The following LRP1 variants were observed in gnomAD, a reference collection of about 807,000 sequenced individuals.
LRP1 encodes the protein prolow-density lipoprotein receptor-related protein 1.
Under a neutral mutation model 541.5 loss-of-function variants are expected in LRP1, and 51 were observed. That is an observed-to-expected ratio of 0.09 (90% CI 0.08 to 0.12). LRP1 has a LOEUF of 0.12. Among genes scored for constraint, LRP1 ranks in the 10% least tolerant of loss-of-function variants. The pLI, the probability that LRP1 is intolerant of heterozygous loss-of-function variation, is 1.00. For synonymous variants in LRP1, 2,219 were observed against 2,470.8 expected (o/e 0.90, Z 3.02); for missense variants, 3,878 against 6,376.2 (o/e 0.61, Z 13.34).
At chr12:57,168,838 C>A (rs1181694815) in intron 19 of LRP1, among the ~76,000 whole-genome samples, 1 of 152,192 alleles carries the variant, frequency 6.6e-6, no homozygotes, top group Admixed American at 6.5e-5. Context: ...GCAAGCAGAC[C>A]CCTGTTCCCA....
Position 57,185,539 on chromosome 12 carries a change from G to A in LRP1, c.6472G>A (p.Val2158Met), listed in dbSNP as rs1370229688. 5.7e-6 allele frequency: 9 copies of A among 1,590,328 alleles called. No homozygotes were observed. Among genetic ancestry groups the A allele is most frequent in the Admixed American group, 1.7e-5 (1 of 59,228 alleles). The change falls in exon 41 of 89, where the codon GTG (valine) becomes ATG (methionine). Residue 2158 changes from valine to methionine, a missense_variant. This residue lies in a region of LRP1 where 1,100 missense variants were observed against 1,827.4 expected (regional missense o/e 0.60). Coordinates refer to ENST00000243077, the MANE Select transcript of LRP1 (RefSeq NM_002332.3). This position sits in a 1 kb window ranked among gnomAD's most constrained non-coding sequence, Gnocchi z 4.9. ...FNRDRQKGTN[V>M]CAVANGGCQQ... ...ACCCTCCCCTCCCCCAGGCACCAAC[G>A]TGTGCGCGGTGGCCAATGGCGGGTG...
Position 57,200,434 on chromosome 12 carries a change from C to T in LRP1, c.10015-8C>T, listed in dbSNP as rs2036625190. ...CACCAACCCCTCTTGCCCCCACCTG[C>T]CCTCCAGTTTGTATGCAAGAACGAC... is the stretch of plus-strand genomic sequence containing the variant. On this transcript the variant is annotated splice_region_variant and splice_polypyrimidine_tract_variant and intron_variant, in intron 62 of 88. Transcript: ENST00000243077. 9 of 1,559,558 alleles carry T rather than the reference C, an allele frequency of 5.8e-6. No homozygotes were observed. The highest frequency in any genetic ancestry group is 8.0e-6 in the Non-Finnish European group (9 of 1,131,408).
chr12:57,197,421 C>T lies in LRP1; in HGVS notation c.9162+37C>T, dbSNP rs904761725. The T allele has an allele frequency of 6.2e-7, 1 of 1,610,224 alleles. No homozygotes were observed. The highest frequency in any genetic ancestry group is 8.5e-7 in the Non-Finnish European group (1 of 1,176,926). ...AGGCCCTCCTCCCCGCTGCCCATCT[C>T]CCAGACCCAGCACAGCCTCCCTTGC... On this transcript the variant is annotated intron_variant, in intron 57 of 88. Transcript: ENST00000243077. The surrounding 1 kb of genome is among the most constrained non-coding windows in gnomAD (Gnocchi z 4.5).
rs546253116 is a variant in LRP1 at position 57,132,973 on chromosome 12, T to C, written c.67+3942T>C. Among the ~76,000 whole-genome samples the C allele has an allele frequency of 4.1e-4, 63 of 152,240 alleles. 1 individual carries two copies. Among genetic ancestry groups the C allele is most frequent in the Admixed American group, 2.7e-3 (41 of 15,292 alleles). ...TTTCCTCCGACTTCCTCTTTCTTCT[T>C]CCCCCTCCACTAATTTGGGGAATGG... On this transcript the variant is annotated intron_variant, in intron 1 of 88. Transcript: ENST00000243077.
rs761390488 is a variant in LRP1 at position 57,178,380 on chromosome 12, C to T, written c.4383C>T (p.Ala1461=). Residue 1461 remains alanine (A), a synonymous_variant, in exon 27 of 89, where the codon GCC becomes GCT. Transcript: ENST00000243077. The surrounding 1 kb of genome is among the most constrained non-coding windows in gnomAD (Gnocchi z 5.8). ...IDARSDAIYS[A]RYDGSGHMEV... ...TTAGGTCAGATGCCATTTACTCAGC[C>T]CGTTACGACGGCTCTGGCCACATGG... 1.2e-6 allele frequency: 2 copies of T among 1,614,114 alleles called. No homozygotes were observed. The highest frequency in any genetic ancestry group is 1.7e-5 in the Admixed American group (1 of 60,024).
In LRP1 at chr12:57,203,226, G is replaced by A. The variant is rs373818332; in HGVS notation, c.10757G>A (p.Arg3586His). The change falls in exon 69 of 89, where the codon CGC (arginine) becomes CAC (histidine). Residue 3586 changes from arginine to histidine, a missense_variant. This residue lies in a region of LRP1 where 278 missense variants were observed against 536.3 expected (regional missense o/e 0.52). Transcript: ENST00000243077. ...SESEFSCANGRCIAGRWKCDG... is the reference protein window; with the variant it reads ...SESEFSCANGHCIAGRWKCDG... ...AGTGAGTTCTCCTGTGCCAACGGCC[G>A]CTGCATCGCGGGGCGCTGGAAATGC... 1 of 1,610,380 alleles carries A rather than the reference G, an allele frequency of 6.2e-7. No individual in the cohort carries two copies. The highest frequency in any genetic ancestry group is 8.5e-7 in the Non-Finnish European group (1 of 1,178,356).
At chr12:57,202,397 T>G in intron 67 of LRP1, 24 bp from the exon 68 acceptor site, 1 of 1,562,528 alleles carries the variant, frequency 6.4e-7, no homozygotes, top group Non-Finnish European at 8.8e-7. Context: ...TTTCCCTGAC[T>G]GCCCTGACAC....
intron 10 of LRP1, among the ~76,000 whole-genome samples, chr12:57,157,866 G>A (rs1370138496): frequency 6.6e-6 from 1 of 152,222 alleles, no homozygotes; most frequent in African/African-American, 2.4e-5. Context: ...AGAGAAGGAG[G>A]CAGGGGTTGG....
In LRP1 at chr12:57,208,132, C is replaced by T. The variant is rs769174000; in HGVS notation, c.11954C>T (p.Ala3985Val). ...TDSGRDVIEV[A>V]QMKGENRKTL... ...TCGGGCCGAGATGTGATTGAGGTGG[C>T]GCAGATGAAGGGCGAGAACCGCAAG... Residue 3985 changes from alanine to valine, a missense_variant, in exon 77 of 89, where the codon GCG becomes GTG. This residue lies in a region of LRP1 where 871 missense variants were observed against 1,212.4 expected (regional missense o/e 0.72). Coordinates refer to ENST00000243077, the MANE Select transcript of LRP1 (RefSeq NM_002332.3). 28 of 1,614,186 alleles carry T rather than the reference C, an allele frequency of 1.7e-5. No individual in the cohort carries two copies. The highest frequency in any genetic ancestry group is 4.5e-5 in the East Asian group (2 of 44,872).
rs764721574 is a variant in LRP1, at chr12:57,205,115, C to T, written c.11201C>T (p.Pro3734Leu). ...AAGCCTCTGCCCTCCTCAGAGCCCC[C>T]CACAGCCCACACCACCCACTGCAAA... ...DGTDEEDCEPPTAHTTHCKDK... is the reference protein window; with the variant it reads ...DGTDEEDCEPLTAHTTHCKDK... Residue 3734 changes from proline to leucine, a missense_variant, in exon 73 of 89, where the codon CCC becomes CTC. Physicochemically the swap from Pro to Leu is moderately conservative, Grantham distance 98 (BLOSUM62 -3). Around this residue, in one of 13 missense-constraint regions of LRP1, gnomAD observed 871 missense variants for 1,212.4 expected, o/e 0.72. Transcript: ENST00000243077. The surrounding 1 kb of genome is among the most constrained non-coding windows in gnomAD (Gnocchi z 4.6). 13 of 1,613,342 alleles carry T rather than the reference C, an allele frequency of 8.1e-6. No homozygotes were observed. The South Asian group carries it at 1.4e-4, about 18-fold the overall frequency.
At chr12:57,199,806 G>A in intron 61 of LRP1, 71 bp from the exon 62 acceptor site, 1 of 1,529,346 alleles carries the variant, frequency 6.5e-7, no homozygotes, top group Non-Finnish European at 8.8e-7. Context: ...CTCTGTCCAG[G>A]ATAGAGTGAG....
chr12:57,132,286 T>C (rs1358477122), intron 1 of LRP1: 1 of 152,202 alleles, frequency 6.6e-6, no homozygotes, highest in Non-Finnish European at 1.5e-5. Context: ...GAGGGGTATA[T>C]GTGGAGAGTT....
rs554100828 is a variant in LRP1, at chr12:57,197,360, G to A, written c.9138G>A (p.Gly3046=). ...ACCTGCGCAAGCTCAACCTGGACGG[G>A]TCCAACTACACGTTACTTAAGCAGG... ...RYYLRKLNLD[G]SNYTLLKQGL... The change falls in exon 57 of 89, where the codon GGG becomes GGA. Residue 3046 remains glycine, a synonymous_variant. Transcript: ENST00000243077. The surrounding 1 kb of genome is among the most constrained non-coding windows in gnomAD (Gnocchi z 4.5). 4 of 1,613,604 alleles carry A rather than the reference G, an allele frequency of 2.5e-6. No homozygotes were observed. The highest frequency in any genetic ancestry group is 1.3e-5 in the African/African-American group (1 of 74,900).
Position 57,145,317 on chromosome 12 carries a change from C to T in LRP1, c.668C>T (p.Thr223Ile), listed in dbSNP as rs1216786522. The change falls in exon 6 of 89, where the codon ACA becomes ATA. Residue 223 changes from threonine (T) to isoleucine (I), a missense_variant. Physicochemically the swap from Thr to Ile is moderately conservative, Grantham distance 89. Coordinates refer to ENST00000243077, the MANE Select transcript of LRP1 (RefSeq NM_002332.3). ...AGTGGGGCCCAGGTGTCTACCATCACACCTACGAGCACGCGGCAGACCACA... is the reference window on the plus strand; with the variant it reads ...AGTGGGGCCCAGGTGTCTACCATCATACCTACGAGCACGCGGCAGACCACA... The part of the protein sequence containing the change: ...YLSGAQVSTI[T>I]PTSTRQTTAM... 1.9e-6 allele frequency: 3 copies of T among 1,614,184 alleles called. No individual in the cohort carries two copies. The highest frequency in any genetic ancestry group is 1.7e-6 in the Non-Finnish European group (2 of 1,180,044).
At chr12:57,140,645 C>T (rs1201711319) in intron 2 of LRP1, among the ~76,000 whole-genome samples, 1 of 152,198 alleles carries the variant, frequency 6.6e-6, no homozygotes, top group Non-Finnish European at 1.5e-5. Flanking sequence ...CTGGGTTCTG[C>T]AACCTGGGAG....
rs1565748857 is a variant in LRP1, at chr12:57,197,674, G to A, written c.9282+10G>A. On this transcript the variant is annotated intron_variant, in intron 58 of 88. Transcript: ENST00000243077. The surrounding 1 kb of genome is among the most constrained non-coding windows in gnomAD (Gnocchi z 4.5). ...CGGGAGCAATGTGCAGGTGAGGCGG[G>A]CGGCCCTCGGCGACCAACACTGGCC... The A allele has an allele frequency of 1.2e-6, 2 of 1,611,538 alleles. No homozygotes were observed. Among genetic ancestry groups the A allele is most frequent in the Non-Finnish European group, 1.7e-6 (2 of 1,179,292 alleles).
In LRP1 at chr12:57,162,317, A is replaced by G. The variant is rs866431569; in HGVS notation, c.2203A>G (p.Ile735Val). 2 of 1,613,816 alleles carry G rather than the reference A, an allele frequency of 1.2e-6. No homozygotes were observed. Among genetic ancestry groups the G allele is most frequent in the East Asian group, 4.5e-5 (2 of 44,874 alleles). The change falls in exon 14 of 89, where the codon ATT becomes GTT. Residue 735 changes from isoleucine to valine, a missense_variant and splice_region_variant. Physicochemically the swap from Ile to Val is conservative, Grantham distance 29. Around this residue, in one of 13 missense-constraint regions of LRP1, gnomAD observed 496 missense variants for 861.0 expected, o/e 0.58. Coordinates refer to ENST00000243077, the MANE Select transcript of LRP1 (RefSeq NM_002332.3). The surrounding 1 kb of genome is among the most constrained non-coding windows in gnomAD (Gnocchi z 5.2). ...TTAGTAACATCCTCTCCATCCCTAG[A>G]TTGTGTATGAAGGTCCTGAGCTGAA... ...TILLNGTDRK[I>V]VYEGPELNHA...
At position 57,169,321 on chromosome 12, in the gene LRP1, G is replaced by A. The variant is rs1184034626; in HGVS notation, c.3163+14G>A. On this transcript the variant is annotated intron_variant, in intron 20 of 88. Coordinates refer to ENST00000243077, the MANE Select transcript of LRP1 (RefSeq NM_002332.3). The stretch of plus-strand genomic sequence containing the variant: ...GCACCAACCAGGGTGGGCACCAGGG[G>A]CCCGTGGGGTGGGGATGAGATCGAG... The A allele has an allele frequency of 3.8e-6, 6 of 1,593,912 alleles. No individual in the cohort carries two copies. Among genetic ancestry groups the A allele is most frequent in the Non-Finnish European group, 5.1e-6 (6 of 1,165,068 alleles).
intron 3 of LRP1, among the ~76,000 whole-genome samples, chr12:57,141,941 C>T (rs747387204): frequency 7.9e-5 from 12 of 152,214 alleles, no homozygotes; most frequent in African/African-American, 1.9e-4. Context: ...GTCCACCTGC[C>T]GCCCCTACGG....
Sources: gnomAD v4.1 joint callset for allele counts (sites outside exome capture counted in the v4.1 genomes callset) on GRCh38, gnomAD v4.1.1 for gene constraint, gnomAD v4.1.1 regional missense constraint, Gnocchi (gnomAD v3.1) non-coding constraint, MANE v1.5 for transcripts, NCBI Gene and HGNC (gene_info 2026-07-23, HGNC 2026-07-21) for gene names.